CSTPP1: variants seen among roughly 807,000 people sequenced by gnomAD.
CSTPP1 encodes centriolar satellite-associated tubulin polyglutamylase complex regulator 1, also known as UPF0705 protein C11orf49.
At chr11:46,978,131 G>A in the CSTPP1 span, among the ~76,000 whole-genome samples, 2 of 152,142 alleles carry the variant, frequency 1.3e-5, no homozygotes, top group Non-Finnish European at 2.9e-5. Context: ...GACACTGAAT[G>A]GTCCTGAGTG....
chr11:46,995,757 A>T, the CSTPP1 span, among the ~76,000 whole-genome samples: 1 of 152,158 alleles, frequency 6.6e-6, no homozygotes, highest in Admixed American at 6.5e-5. Flanking sequence ...TATTCTGTTG[A>T]TATGGGGTGG....
At chr11:46,960,462 C>T in the CSTPP1 span, among the ~76,000 whole-genome samples, 6 of 152,314 alleles carry the variant, frequency 3.9e-5, no homozygotes, top group South Asian at 6.2e-4. Context: ...TAATTTTTGT[C>T]TCTATGAATT....
chr11:47,026,583 A>G, the CSTPP1 span, among the ~76,000 whole-genome samples: 5 of 152,320 alleles, frequency 3.3e-5, no homozygotes, highest in Admixed American at 1.3e-4. Context: ...CCTACTTTAA[A>G]GTAGCTAAAA....
At chr11:46,962,253 AG>A in the CSTPP1 span, among the ~76,000 whole-genome samples, 3 of 152,204 alleles carry the variant, frequency 2.0e-5, no homozygotes, top group Non-Finnish European at 4.4e-5. Context: ...ATAAAATATA[AG>A]GGTTTATTTA....
the CSTPP1 span, chr11:47,161,869 C>T: frequency 7.5e-7 from 1 of 1,326,500 alleles, no homozygotes; most frequent in Non-Finnish European, 9.6e-7. Flanking sequence ...TTCACTTAGG[C>T]CCCAAGCTGA....
the CSTPP1 span, among the ~76,000 whole-genome samples, chr11:46,970,513 T>C: frequency 6.6e-6 from 1 of 151,548 alleles, no homozygotes; most frequent in East Asian, 1.9e-4. Context: ...GTACATTGAA[T>C]TGTAGTTTGA....
chr11:46,939,947 T>G, the CSTPP1 span, among the ~76,000 whole-genome samples: 1 of 152,150 alleles, frequency 6.6e-6, no homozygotes, highest in Non-Finnish European at 1.5e-5. Context: ...CTCGGCTCAC[T>G]GCAACCTCCA....
At chr11:46,936,900 A>C in the CSTPP1 span, 1 of 1,163,606 alleles carries the variant, frequency 8.6e-7, no homozygotes, top group Non-Finnish European at 1.1e-6. Context: ...CAGACGAATT[A>C]GGCCAGGGTC....
chr11:46,997,524 T>C, the CSTPP1 span, among the ~76,000 whole-genome samples: 1 of 152,188 alleles, frequency 6.6e-6, no homozygotes, highest in African/African-American at 2.4e-5. Flanking sequence ...CTCGGAGAAG[T>C]TTGTTATTAC....
the CSTPP1 span, among the ~76,000 whole-genome samples, chr11:47,085,411 A>G: frequency 2.0e-5 from 3 of 152,114 alleles, no homozygotes; most frequent in Non-Finnish European, 4.4e-5. Context: ...AATGAATGAA[A>G]GAAAGAAAAT....
the CSTPP1 span, among the ~76,000 whole-genome samples, chr11:47,075,020 T>C: frequency 6.6e-6 from 1 of 152,320 alleles, no homozygotes; most frequent in East Asian, 1.9e-4. Flanking sequence ...TTATAGACCC[T>C]CTAGAAAGTG....
At chr11:47,026,561 T>A in the CSTPP1 span, among the ~76,000 whole-genome samples, 1 of 152,184 alleles carries the variant, frequency 6.6e-6, no homozygotes, top group Non-Finnish European at 1.5e-5. Context: ...TTAATCACTT[T>A]CCTTATTCAG....
the CSTPP1 span, among the ~76,000 whole-genome samples, chr11:47,034,180 G>C: frequency 6.6e-6 from 1 of 152,042 alleles, no homozygotes; most frequent in African/African-American, 2.4e-5. Flanking sequence ...ACTTCAGGAA[G>C]AATGTTGATG....
chr11:47,045,697 A>T, the CSTPP1 span, among the ~76,000 whole-genome samples: 17 of 152,342 alleles, frequency 1.1e-4, no homozygotes, highest in South Asian at 3.5e-3. Flanking sequence ...AGAATGTGGG[A>T]AACAGTAGTG....
chr11:47,131,206 C>T, the CSTPP1 span, among the ~76,000 whole-genome samples: 56 of 152,202 alleles, frequency 3.7e-4, no homozygotes, highest in Non-Finnish European at 7.5e-4. Context: ...TCTGGCACTC[C>T]TCCATGGGTA....
At chr11:46,995,535 C>T in the CSTPP1 span, among the ~76,000 whole-genome samples, 1 of 152,132 alleles carries the variant, frequency 6.6e-6, no homozygotes, top group African/African-American at 2.4e-5. Flanking sequence ...TCATTATGTA[C>T]CCAGTAGTCA....
the CSTPP1 span, among the ~76,000 whole-genome samples, chr11:47,054,179 C>T: frequency 1.9e-3 from 290 of 151,166 alleles, no homozygotes; most frequent in African/African-American, 6.8e-3. Flanking sequence ...GGTGTGGTGG[C>T]GGGTGCCTGT....
the CSTPP1 span, among the ~76,000 whole-genome samples, chr11:47,063,450 C>A: frequency 2.6e-5 from 4 of 152,054 alleles, no homozygotes; most frequent in Non-Finnish European, 5.9e-5. Flanking sequence ...CTTGCAAAAC[C>A]GAAACTCAGT....
chr11:47,016,807 AC>A, the CSTPP1 span, among the ~76,000 whole-genome samples: 1 of 148,222 alleles, frequency 6.7e-6, no homozygotes, highest in African/African-American at 2.5e-5. Context: ...ATAAAAACTT[AC>A]CAAATTATAT....
Sources: allele counts gnomAD v4.1 joint callset (sites outside exome capture counted in the v4.1 genomes callset), GRCh38; gene constraint gnomAD v4.1.1; transcripts MANE v1.5; gene names NCBI Gene and HGNC (gene_info 2026-07-23, HGNC 2026-07-21).